Variants in DNAH9 observed in about 807,000 individuals in gnomAD.
DNAH9 encodes dynein axonemal heavy chain 9.
Under a neutral mutation model 471.6 loss-of-function variants are expected in DNAH9, and 345 were observed. The observed-to-expected ratio is 0.73, with a 90% CI of 0.67 to 0.80. The LOEUF (loss-of-function observed/expected upper bound fraction) is 0.80, where lower values mean the gene tolerates loss of function less well. Ranked by LOEUF, DNAH9 falls within the 30% of genes least tolerant of loss-of-function variation. The pLI is 0.00. For synonymous variants in DNAH9, 2,093 were observed against 2,123.6 expected (o/e 0.99, Z 0.40); for missense variants, 5,407 against 5,609.2 (o/e 0.96, Z 1.15).
At position 11,965,839 on chromosome 17, in the gene DNAH9, C is replaced by T. The variant is rs544448616; in HGVS notation, c.13234-3461C>T. ...AAAAATATAATACCTAAAATGAAAACTCAGTAGAGGAATTCAATAGCAGAA... is the reference window on the plus strand; with the variant it reads ...AAAAATATAATACCTAAAATGAAAATTCAGTAGAGGAATTCAATAGCAGAA... On this transcript the variant is annotated intron_variant, in intron 68 of 68. Transcript: ENST00000262442. 5.3e-5 allele frequency among the ~76,000 whole-genome samples: 8 copies of T among 151,914 alleles called. No homozygotes were observed. The South Asian group carries it at 1.7e-3, about 32-fold the overall frequency.
chr17:11,652,144 A>C (rs1326350951), intron 13 of DNAH9, among the ~76,000 whole-genome samples: 1 of 152,134 alleles, frequency 6.6e-6, no homozygotes, highest in East Asian at 1.9e-4. Flanking sequence ...AGATTAACCC[A>C]AATAAGGTCA....
intron 6 of DNAH9, among the ~76,000 whole-genome samples, chr17:11,622,345 C>G (rs1349793392): frequency 6.6e-6 from 1 of 152,162 alleles, no homozygotes; most frequent in East Asian, 1.9e-4. Context: ...AATTGATTAT[C>G]TAGCTTTATC....
At position 11,854,842 on chromosome 17, in the gene DNAH9, T is replaced by G. The variant is rs559536898; in HGVS notation, c.9933+414T>G. Among the ~76,000 whole-genome samples, 7 of 152,304 alleles carry G rather than the reference T, an allele frequency of 4.6e-5. No homozygotes were observed. In the South Asian group the frequency reaches 1.5e-3, roughly 32 times the overall value. The stretch of plus-strand genomic sequence containing the variant: ...GGAAATGTGTCAGCTATCTGCATTG[T>G]TTTGTGGAAGTTCGTTAAAGCAAGT... On this transcript the variant is annotated intron_variant, in intron 50 of 68. Transcript: ENST00000262442.
chr17:11,921,721 C>G (rs1026704419), intron 61 of DNAH9, among the ~76,000 whole-genome samples: 10 of 152,122 alleles, frequency 6.6e-5, no homozygotes, highest in African/African-American at 2.2e-4. Context: ...TAGTGAGAAT[C>G]CCATCCATTT....
intron 30 of DNAH9, among the ~76,000 whole-genome samples, chr17:11,744,140 T>C (rs2075477379): frequency 6.6e-6 from 1 of 152,054 alleles, no homozygotes; most frequent in Non-Finnish European, 1.5e-5. Context: ...CTTGGTAGCA[T>C]TTGTCATGGC....
chr17:11,928,155 G>C (rs61670154), intron 62 of DNAH9, among the ~76,000 whole-genome samples: 29,768 of 147,794 alleles, frequency 0.2, 3,019 homozygotes, highest in African/African-American at 0.24. Flanking sequence ...TTATTTTGTA[G>C]AGATGGGGTT....
chr17:11,902,890 G>T lies in DNAH9; in HGVS notation c.11578G>T (p.Asp3860Tyr). 1 of 1,613,496 alleles carries T rather than the reference G, an allele frequency of 6.2e-7. No homozygotes were observed. The highest frequency in any genetic ancestry group is 1.1e-5 in the South Asian group (1 of 91,006). The part of the protein sequence containing the change: ...RLCMLRAMRP[D>Y]RMTYALRDFV... ...CTGCATGCTGAGAGCCATGCGGCCC[G>T]ACCGGATGACCTATGCTTTGCGGTA... The change falls in exon 60 of 69, where the codon GAC becomes TAC. Residue 3860 changes from aspartate (D) to tyrosine (Y), a missense_variant. Coordinates refer to ENST00000262442, the MANE Select transcript of DNAH9 (RefSeq NM_001372.4).
intron 68 of DNAH9, among the ~76,000 whole-genome samples, chr17:11,969,006 GAATT>G (rs1444559947): frequency 6.6e-6 from 1 of 152,206 alleles, no homozygotes; most frequent in Non-Finnish European, 1.5e-5. Flanking sequence ...CTCATGAAAT[GAATT>G]AATGAAAAAA....
At chr17:11,699,982 G>A (rs1190329310) in intron 23 of DNAH9, 99 bp downstream of exon 23, 1 of 1,273,980 alleles carries the variant, frequency 7.8e-7, no homozygotes, top group African/African-American at 1.5e-5. Flanking sequence ...TTCTGACCTT[G>A]GTCCAGAGCT....
At chr17:11,738,005 G>C (rs73292670) in intron 28 of DNAH9, among the ~76,000 whole-genome samples, 122 of 152,326 alleles carry the variant, frequency 8.0e-4, no homozygotes, top group African/African-American at 2.8e-3. Flanking sequence ...AACAAGCTCA[G>C]CAGGTAACTA....
intron 63 of DNAH9, among the ~76,000 whole-genome samples, 164 bp from the exon 64 acceptor site, chr17:11,931,850 C>A (rs780815076): frequency 2.6e-5 from 4 of 152,172 alleles, no homozygotes; most frequent in Admixed American, 6.5e-5. Context: ...GCTAACCTGA[C>A]CCTTCCACAC....
In DNAH9 at chr17:11,694,732, CTT is replaced by C. The variant is rs1293058860; in HGVS notation, c.4872+287_4872+288del. Among the ~76,000 whole-genome samples the C allele has an allele frequency of 8.4e-3, 31 of 3,674 alleles. 15 individuals are homozygous for C. Among genetic ancestry groups the C allele is most frequent in the South Asian group, 0.071 (4 of 56 alleles). 2.4% of individuals were successfully genotyped at this position (3,674 alleles called of 152,430 possible). A position where few individuals can be genotyped will look rare whatever the true frequency, so the allele number is the denominator to read the frequency against. ...TCTCTCTCTCTCTCTCTCTCTTTCT[CTT>C]TCTTTCTTTCTTTCTTTCCTTCCTT... is the stretch of plus-strand genomic sequence containing the variant. On this transcript the variant is annotated intron_variant, in intron 22 of 68. Transcript: ENST00000262442.
Position 11,652,895 on chromosome 17 carries a change from G to T in DNAH9, c.2488G>T (p.Asp830Tyr). Residue 830 changes from aspartate to tyrosine, a missense_variant, in exon 14 of 69, where the codon GAT becomes TAT. By Grantham distance (160) the Asp-to-Tyr change is radical. Coordinates refer to ENST00000262442, the MANE Select transcript of DNAH9 (RefSeq NM_001372.4). ...GGTGACTCCAATATTTAAGACAAAA[G>T]ATGGAAAAAGGGAATCCCTTCTTTC... ...TWVTPIFKTK[D>Y]GKRESLLSLD... is the part of the protein sequence containing the mutation. The T allele has an allele frequency of 6.2e-7, 1 of 1,614,006 alleles. No individual in the cohort carries two copies. Among genetic ancestry groups the T allele is most frequent in the East Asian group, 2.2e-5 (1 of 44,870 alleles).
chr17:11,677,260 G>A (rs913241006), intron 17 of DNAH9, among the ~76,000 whole-genome samples: 1 of 151,694 alleles, frequency 6.6e-6, no homozygotes, highest in African/African-American at 2.4e-5. Context: ...TCCATTTTTA[G>A]TGGTATATTG....
intron 6 of DNAH9, among the ~76,000 whole-genome samples, chr17:11,624,090 A>C (rs1018924683): frequency 8.5e-5 from 13 of 152,232 alleles, no homozygotes; most frequent in Admixed American, 2.0e-4. Flanking sequence ...TCTTATCATA[A>C]CCATGATACA....
At chr17:11,868,687 CCA>C (rs1442410029) in intron 50 of DNAH9, among the ~76,000 whole-genome samples, 3 of 151,970 alleles carry the variant, frequency 2.0e-5, no homozygotes, top group Non-Finnish European at 4.4e-5. Context: ...CATGCTAACC[CCA>C]GTTTTGATGT....
chr17:11,958,631 G>C (rs564156842), intron 67 of DNAH9, among the ~76,000 whole-genome samples: 19 of 152,188 alleles, frequency 1.2e-4, no homozygotes, highest in African/African-American at 3.9e-4. Context: ...CTCTGGTGGG[G>C]AATGTTGATA....
chr17:11,640,717 G>A (rs572006014), intron 10 of DNAH9, among the ~76,000 whole-genome samples: 2 of 152,244 alleles, frequency 1.3e-5, no homozygotes, highest in South Asian at 4.2e-4. Flanking sequence ...CCTTGCTGCT[G>A]AGGCCACTGG....
chr17:11,774,736 A>C (rs1968351556), intron 38 of DNAH9, among the ~76,000 whole-genome samples: 1 of 152,162 alleles, frequency 6.6e-6, no homozygotes. Flanking sequence ...TAATACATGC[A>C]GATCTATTTC....
Sources: gnomAD v4.1 joint callset for allele counts (sites outside exome capture counted in the v4.1 genomes callset) on GRCh38, gnomAD v4.1.1 for gene constraint, MANE v1.5 for transcripts, NCBI Gene and HGNC (gene_info 2026-07-23, HGNC 2026-07-21) for gene names.